BTN1A1: variants seen among roughly 807,000 people sequenced by gnomAD.
BTN1A1 encodes the protein bK14H9.2 (butyrophilin, subfamily 1, member A1).
A neutral mutation model predicts 33.1 loss-of-function variants in BTN1A1; 26 were observed. The observed-to-expected ratio is 0.79, with a 90% confidence interval of 0.58 to 1.09. The LOEUF is 1.09. Ranked by LOEUF, BTN1A1 falls within the 50% of genes least tolerant of loss-of-function variation. The pLI is 0.00. For synonymous variants in BTN1A1, 235 were observed against 256.2 expected (o/e 0.92, Z 0.79); for missense variants, 558 against 655.7 (o/e 0.85, Z 1.63).
intron 7 of BTN1A1, 49 bp downstream of exon 7, chr6:26,508,136 A>G: frequency 6.5e-7 from 1 of 1,550,008 alleles, no homozygotes; most frequent in Non-Finnish European, 8.7e-7. Context: ...ATCCCCTAGG[A>G]ATTCAAAGTG....
chr6:26,505,351 A>G (rs1763856185), intron 4 of BTN1A1, 145 bp downstream of exon 4: 1 of 740,650 alleles, frequency 1.4e-6, no homozygotes, highest in Non-Finnish European at 2.2e-6. Flanking sequence ...AGGGAACCCC[A>G]CCAACTTTAT....
chr6:26,503,678 A>C (rs2893859), intron 3 of BTN1A1, among the ~76,000 whole-genome samples: 2,905 of 149,730 alleles, frequency 0.019, 58 homozygotes, highest in African/African-American at 0.053. Flanking sequence ...ATATACATAG[A>C]TATATATTCA....
intron 4 of BTN1A1, among the ~76,000 whole-genome samples, chr6:26,506,184 TCTC>T (rs1020319581): frequency 6.6e-6 from 1 of 151,824 alleles, no homozygotes; most frequent in African/African-American, 2.4e-5. Context: ...CATACTCACT[TCTC>T]CTTCCTATCC....
chr6:26,503,564 G>A (rs1763830366), intron 3 of BTN1A1, among the ~76,000 whole-genome samples: 1 of 150,890 alleles, frequency 6.6e-6, no homozygotes, highest in Non-Finnish European at 1.5e-5. Flanking sequence ...ACTATACTGT[G>A]CCTTAAACTG....
At chr6:26,507,413 A>T (rs1036850314) in intron 5 of BTN1A1, among the ~76,000 whole-genome samples, 4 of 152,136 alleles carry the variant, frequency 2.6e-5, no homozygotes, top group African/African-American at 9.7e-5. Context: ...TCAATTGCCC[A>T]GTACCAATCT....
At chr6:26,502,477 C>T (rs915606839) in intron 3 of BTN1A1, among the ~76,000 whole-genome samples, 1 of 152,152 alleles carries the variant, frequency 6.6e-6, no homozygotes, top group African/African-American at 2.4e-5. Flanking sequence ...GAAGGTCCTA[C>T]AGTAGGAAAT....
Position 26,508,790 on chromosome 6 carries a change from T to C in BTN1A1, c.1197T>C (p.Tyr399=). 1 of 1,614,154 alleles carries C rather than the reference T, an allele frequency of 6.2e-7. No homozygotes were observed. Among genetic ancestry groups the C allele is most frequent in the South Asian group, 1.1e-5 (1 of 91,082 alleles). The change falls in exon 8 of 8, where the codon TAT becomes TAC. Residue 399 remains tyrosine (Y), a synonymous_variant. Coordinates refer to ENST00000684113, the MANE Select transcript of BTN1A1 (RefSeq NM_001732.3). ...PENGFWAVEL[Y]GNGYWALTPL... is the part of the protein sequence containing the mutation. ...ATGGGTTCTGGGCTGTAGAGTTGTATGGAAATGGGTACTGGGCCCTCACTC... is the reference window on the plus strand; with the variant it reads ...ATGGGTTCTGGGCTGTAGAGTTGTACGGAAATGGGTACTGGGCCCTCACTC...
At position 26,501,311 on chromosome 6, in the gene BTN1A1, C is replaced by G; in HGVS notation, c.25C>G (p.Leu9Val). 6.2e-7 allele frequency: 1 copy of G among 1,614,138 alleles called. No individual in the cohort carries two copies. Among genetic ancestry groups the G allele is most frequent in the African/African-American group, 1.3e-5 (1 of 75,028 alleles). ...GATGGCAGTTTTCCCAAGCTCCGGTCTCCCCAGATGTCTGCTCACCCTCAT... is the reference window on the plus strand; with the variant it reads ...GATGGCAGTTTTCCCAAGCTCCGGTGTCCCCAGATGTCTGCTCACCCTCAT... MAVFPSSGLPRCLLTLILL... is the reference protein window; with the variant it reads MAVFPSSGVPRCLLTLILL... Residue 9 changes from leucine to valine, a missense_variant, in exon 2 of 8, where the codon CTC becomes GTC. Transcript: ENST00000684113. This position sits in a 1 kb window ranked among gnomAD's most constrained non-coding sequence, Gnocchi z 5.2.
rs2113887635 is a variant in BTN1A1 at position 26,500,325 on chromosome 6, G to GAGAAAAAGGTA, written c.-91_-90insAGAAAAAGGTA. Among the ~76,000 whole-genome samples, 1 of 152,214 alleles carries GAGAAAAAGGTA rather than the reference G, an allele frequency of 6.6e-6. No individual in the cohort carries two copies. The highest frequency in any genetic ancestry group is 2.4e-5 in the African/African-American group (1 of 41,536). On this transcript the variant is annotated 5_prime_UTR_variant, in exon 1 of 8. Transcript: ENST00000684113. ...GCCAGCTTTCTCACTTGGTAGCAGTGGCCTCTTGTGCCTTTTTCTCCAAGA... is the reference window on the plus strand; with the variant it reads ...GCCAGCTTTCTCACTTGGTAGCAGTGAGAAAAAGGTAGCCTCTTGTGCCTTTTTCTCCAAGA...
At chr6:26,503,070 AT>A (rs1223825372) in intron 3 of BTN1A1, among the ~76,000 whole-genome samples, 1 of 152,058 alleles carries the variant, frequency 6.6e-6, no homozygotes, top group Non-Finnish European at 1.5e-5. Context: ...AACTCCTATA[AT>A]CTCAGCGCTT....
chr6:26,508,745 T>G lies in BTN1A1; in HGVS notation c.1152T>G (p.Phe384Leu). The G allele has an allele frequency of 6.2e-7, 1 of 1,614,062 alleles. No homozygotes were observed. Among genetic ancestry groups the G allele is most frequent in the Non-Finnish European group, 8.5e-7 (1 of 1,179,988 alleles). ...VCRENVMKKG[F>L]DPMTPENGFW... Reference sequence around the variant, plus strand: ...GGGAGAATGTGATGAAGAAAGGATTTGACCCCATGACTCCTGAGAATGGGT... The same window carrying G: ...GGGAGAATGTGATGAAGAAAGGATTGGACCCCATGACTCCTGAGAATGGGT... The change falls in exon 8 of 8, where the codon TTT becomes TTG. Residue 384 changes from phenylalanine to leucine, a missense_variant. Transcript: ENST00000684113.
At chr6:26,506,958 C>G in intron 5 of BTN1A1, 126 bp downstream of exon 5, 1 of 1,186,594 alleles carries the variant, frequency 8.4e-7, no homozygotes, top group Admixed American at 2.1e-5. Flanking sequence ...TGGTGGCTCA[C>G]GCCTGTAATC....
chr6:26,509,296 T>G lies in BTN1A1; in HGVS notation c.*122T>G, dbSNP rs908946011. 3.2e-6 allele frequency: 3 copies of G among 924,510 alleles called. No individual in the cohort carries two copies. The highest frequency in any genetic ancestry group is 3.3e-5 in the African/African-American group (2 of 60,180). The allele number at this position is 924,510 out of a possible 1,614,324, so 57.3% of individuals were successfully genotyped here. A position where few individuals can be genotyped will look rare whatever the true frequency, so the allele number is the denominator to read the frequency against. On this transcript the variant is annotated 3_prime_UTR_variant, in exon 8 of 8. Coordinates refer to ENST00000684113, the MANE Select transcript of BTN1A1 (RefSeq NM_001732.3). ...CTGTTGGGTGGCAATTAATTAATCC[T>G]GTGAAGGTTACATTGCTGCTGCTAG... is the stretch of plus-strand genomic sequence containing the variant.
chr6:26,501,329 A>G lies in BTN1A1; in HGVS notation c.43A>G (p.Thr15Ala), dbSNP rs1050352382. Residue 15 changes from threonine to alanine, a missense_variant, in exon 2 of 8, where the codon ACC becomes GCC. By Grantham distance (58) the Thr-to-Ala change is moderately conservative. Coordinates refer to ENST00000684113, the MANE Select transcript of BTN1A1 (RefSeq NM_001732.3). This position sits in a 1 kb window ranked among gnomAD's most constrained non-coding sequence, Gnocchi z 5.2. ...PSSGLPRCLLTLILLQLPKLD... is the reference protein window; with the variant it reads ...PSSGLPRCLLALILLQLPKLD... ...CTCCGGTCTCCCCAGATGTCTGCTC[A>G]CCCTCATTCTCCTCCAGCTGCCCAA... 2 of 1,613,766 alleles carry G rather than the reference A, an allele frequency of 1.2e-6. No individual in the cohort carries two copies. Among genetic ancestry groups the G allele is most frequent in the African/African-American group, 2.7e-5 (2 of 74,826 alleles).
intron 1 of BTN1A1, among the ~76,000 whole-genome samples, chr6:26,500,840 A>C (rs1042330362): frequency 1.2e-4 from 19 of 152,270 alleles, no homozygotes; most frequent in African/African-American, 4.6e-4. Flanking sequence ...GCTTGAACCC[A>C]GGAGGCTGAG....
chr6:26,507,925 T>A lies in BTN1A1; in HGVS notation c.860-25T>A, dbSNP rs758141123. ...CTTTACGTCCACTATAGAAAGCCAT[T>A]GAGGTATTTTTGTTTGTTTTCCAGA... On this transcript the variant is annotated intron_variant, in intron 5 of 7. Transcript: ENST00000684113. 1.4e-5 allele frequency: 22 copies of A among 1,613,526 alleles called. 1 individual carries two copies. Among genetic ancestry groups the A allele is most frequent in the South Asian group, 1.3e-4 (12 of 91,038 alleles).
chr6:26,507,226 A>T (rs1763882484), intron 5 of BTN1A1, among the ~76,000 whole-genome samples: 1 of 152,158 alleles, frequency 6.6e-6, no homozygotes, highest in Non-Finnish European at 1.5e-5. Context: ...GTCTCAAAAA[A>T]AGTAGAAGAT....
chr6:26,501,370 GTCTC>G lies in BTN1A1; in HGVS notation c.79+17_79+20del. The G allele has an allele frequency of 9.4e-6, 15 of 1,595,068 alleles. No homozygotes were observed. Among genetic ancestry groups the G allele is most frequent in the African/African-American group, 1.3e-5 (1 of 74,386 alleles). On this transcript the variant is annotated splice_donor_region_variant and intron_variant, in intron 2 of 7. Coordinates refer to ENST00000684113, the MANE Select transcript of BTN1A1 (RefSeq NM_001732.3). This position sits in a 1 kb window ranked among gnomAD's most constrained non-coding sequence, Gnocchi z 5.2. ...AGCTGCCCAAACTGGATTCAGGTAA[GTCTC>G]TCTCTCTCTCTGGGCTGCATAGTTG...
chr6:26,509,092 T>A lies in BTN1A1; in HGVS notation c.1499T>A (p.Met500Lys), dbSNP rs769641786. Residue 500 changes from methionine to lysine, a missense_variant, in exon 8 of 8, where the codon ATG becomes AAG. Met to Lys is a moderately conservative substitution (Grantham distance 95). Transcript: ENST00000684113. Reference protein sequence around the residue: ...DLSKEIPLSPMGEDSAPRDAD... With the variant: ...DLSKEIPLSPKGEDSAPRDAD... ...TCTAAGGAGATCCCATTGTCCCCCA[T>A]GGGGGAGGACTCTGCCCCTAGGGAT... The A allele has an allele frequency of 5.6e-6, 9 of 1,613,934 alleles. No individual in the cohort carries two copies. The highest frequency in any genetic ancestry group is 7.6e-6 in the Non-Finnish European group (9 of 1,179,954).
Sources: allele counts gnomAD v4.1 joint callset (sites outside exome capture counted in the v4.1 genomes callset), GRCh38; gene constraint gnomAD v4.1.1; non-coding constraint Gnocchi (gnomAD v3.1); transcripts MANE v1.5; gene names NCBI Gene and HGNC (gene_info 2026-07-23, HGNC 2026-07-21).